DPP10: variants seen among roughly 807,000 people sequenced by gnomAD.
The protein encoded by DPP10 is dipeptidyl peptidase like 10.
DPP10 carries 33 observed loss-of-function variants against 120.9 expected under a neutral mutation model. That is an observed-to-expected ratio of 0.27 (90% CI 0.21 to 0.37). The LOEUF (loss-of-function observed/expected upper bound fraction) is 0.37, where lower values mean the gene tolerates loss of function less well. DPP10 is among the 10% of genes least tolerant of loss of function. The pLI is 1.00. For missense variants in DPP10, 816 were observed against 942.8 expected (o/e 0.87, Z 1.76); for synonymous variants, 337 against 326.1 (o/e 1.03, Z -0.36).
chr2:114,952,292 T>C (rs1249834409), intron 1 of DPP10, among the ~76,000 whole-genome samples: 2 of 152,136 alleles, frequency 1.3e-5, no homozygotes, highest in African/African-American at 2.4e-5. Context: ...TACATTTACA[T>C]AAAATGTATA....
At chr2:115,595,314 C>G (rs1165032867) in intron 5 of DPP10, among the ~76,000 whole-genome samples, 1 of 151,970 alleles carries the variant, frequency 6.6e-6, no homozygotes, top group African/African-American at 2.4e-5. Flanking sequence ...TAACTGAAAA[C>G]TTTATCCAAA....
At chr2:115,495,620 G>T (rs868502856) in intron 3 of DPP10, among the ~76,000 whole-genome samples, 3 of 152,000 alleles carry the variant, frequency 2.0e-5, no homozygotes, top group African/African-American at 7.2e-5. Flanking sequence ...TTACCTGAAA[G>T]ATTTTAAATT....
intron 1 of DPP10, among the ~76,000 whole-genome samples, chr2:114,593,120 C>T (rs1434208973): frequency 6.6e-6 from 1 of 152,114 alleles, no homozygotes; most frequent in Admixed American, 6.6e-5. Flanking sequence ...ACTTCATTCC[C>T]CAAACCACTG....
At chr2:115,028,345 C>A (rs1224218826) in intron 1 of DPP10, among the ~76,000 whole-genome samples, 2 of 152,010 alleles carry the variant, frequency 1.3e-5, no homozygotes, top group African/African-American at 2.4e-5. Context: ...TTCTTTATGA[C>A]CCATTGATCA....
intron 9 of DPP10, among the ~76,000 whole-genome samples, chr2:115,745,277 G>C (rs561672407): frequency 6.6e-6 from 1 of 150,702 alleles, no homozygotes; most frequent in Non-Finnish European, 1.5e-5. Context: ...CCAAGAGAAT[G>C]TTTATATCTT....
intron 5 of DPP10, among the ~76,000 whole-genome samples, chr2:115,531,386 G>A (rs563285880): frequency 6.6e-6 from 1 of 152,166 alleles, no homozygotes; most frequent in Non-Finnish European, 1.5e-5. Flanking sequence ...TACCTAAGAA[G>A]AGAGCTACGC....
intron 5 of DPP10, among the ~76,000 whole-genome samples, chr2:115,554,034 CACACA>C (rs2080052814): frequency 3.3e-5 from 5 of 150,136 alleles, no homozygotes; most frequent in African/African-American, 1.2e-4. Context: ...CACACACACA[CACACA>C]CACCAAATTA....
At chr2:115,329,433 T>C (rs1486597450) in intron 2 of DPP10, among the ~76,000 whole-genome samples, 1 of 152,022 alleles carries the variant, frequency 6.6e-6, no homozygotes, top group African/African-American at 2.4e-5. Flanking sequence ...AAAGTAGTTC[T>C]TGCTTTCTTT....
At chr2:115,452,682 T>C (rs1460122331) in intron 3 of DPP10, among the ~76,000 whole-genome samples, 1 of 151,954 alleles carries the variant, frequency 6.6e-6, no homozygotes, top group African/African-American at 2.4e-5. Flanking sequence ...TTTTAACTTT[T>C]ACATGTCATA....
intron 1 of DPP10, among the ~76,000 whole-genome samples, chr2:115,117,140 T>C (rs556551414): frequency 9.2e-5 from 14 of 152,362 alleles, no homozygotes; most frequent in Middle Eastern, 3.4e-3. Flanking sequence ...TGCCTTGCCA[T>C]GGTAAGCACT....
intron 1 of DPP10, among the ~76,000 whole-genome samples, chr2:114,805,837 T>A (rs1225917553): frequency 6.6e-6 from 1 of 152,096 alleles, no homozygotes; most frequent in East Asian, 1.9e-4. Flanking sequence ...CACTTTCACT[T>A]ACAACTTATT....
rs1441476748 is a variant in DPP10, at chr2:115,821,365, T to C, written c.1950+5636T>C. Among the ~76,000 whole-genome samples the C allele has an allele frequency of 2.6e-5, 4 of 152,096 alleles. No homozygotes were observed. In the East Asian group the frequency reaches 7.7e-4, roughly 29 times the overall value. On this transcript the variant is annotated intron_variant, in intron 21 of 25. Coordinates refer to ENST00000410059, the MANE Select transcript of DPP10 (RefSeq NM_020868.6). Reference sequence around the variant, plus strand: ...ATTGGCCAAGTTTATCTCTATTAATTTTTTGCATTAAAGATTTTTATATTC... The same window carrying C: ...ATTGGCCAAGTTTATCTCTATTAATCTTTTGCATTAAAGATTTTTATATTC...
intron 3 of DPP10, among the ~76,000 whole-genome samples, chr2:115,390,459 C>T (rs1336940405): frequency 1.3e-5 from 2 of 152,140 alleles, no homozygotes; most frequent in Non-Finnish European, 2.9e-5. Flanking sequence ...CTCTAAGTCT[C>T]TCTGCAATAG....
At chr2:115,371,419 C>T (rs73946533) in intron 3 of DPP10, among the ~76,000 whole-genome samples, 120 of 152,236 alleles carry the variant, frequency 7.9e-4, no homozygotes, top group African/African-American at 2.5e-3. Context: ...CAATAAAATA[C>T]GTGAACTTGA....
intron 1 of DPP10, among the ~76,000 whole-genome samples, chr2:115,165,848 T>C (rs1321382022): frequency 1.3e-5 from 2 of 152,182 alleles, no homozygotes; most frequent in African/African-American, 4.8e-5. Context: ...TCCCACTTTT[T>C]AGAGTATGAC....
At chr2:115,550,904 G>A (rs1222444555) in intron 5 of DPP10, among the ~76,000 whole-genome samples, 1 of 152,118 alleles carries the variant, frequency 6.6e-6, no homozygotes, top group African/African-American at 2.4e-5. Flanking sequence ...CCACAGATGT[G>A]CTTAGGTTTA....
At chr2:114,549,294 C>T (rs1035518419) in intron 1 of DPP10, among the ~76,000 whole-genome samples, 2 of 152,032 alleles carry the variant, frequency 1.3e-5, no homozygotes, top group African/African-American at 4.8e-5. Context: ...TCAACCCCGT[C>T]TCCAGGTACT....
chr2:115,289,001 A>G (rs1421072868), intron 1 of DPP10, among the ~76,000 whole-genome samples: 1 of 152,078 alleles, frequency 6.6e-6, no homozygotes, highest in Non-Finnish European at 1.5e-5. Context: ...AGGAAATTAA[A>G]CTATCTCTGT....
chr2:114,566,784 C>T (rs1246362862), intron 1 of DPP10, among the ~76,000 whole-genome samples: 2 of 152,206 alleles, frequency 1.3e-5, no homozygotes, highest in African/African-American at 4.8e-5. Context: ...AGCTCTTCCT[C>T]AACCAAACAT....
Sources: gnomAD v4.1 joint callset for allele counts (sites outside exome capture counted in the v4.1 genomes callset) on GRCh38, gnomAD v4.1.1 for gene constraint, MANE v1.5 for transcripts, NCBI Gene and HGNC (gene_info 2026-07-23, HGNC 2026-07-21) for gene names.